The following GABRB3 variants were observed in gnomAD, a reference collection of about 807,000 sequenced individuals.
GABRB3 encodes the protein gamma-aminobutyric acid type A receptor subunit beta3, also known as gamma-aminobutyric acid receptor subunit beta-3.
GABRB3 carries 14 observed loss-of-function variants against 52.1 expected under a neutral mutation model. That is an observed-to-expected ratio of 0.27 (90% confidence interval 0.18 to 0.42). The LOEUF is 0.42. GABRB3 is among the 10% of genes least tolerant of loss of function. GABRB3 has a pLI of 1.00. For missense variants in GABRB3, 307 were observed against 609.1 expected, an observed-to-expected ratio of 0.50 and a Z score of 5.22; for synonymous variants, 260 against 232.3, an observed-to-expected ratio of 1.12 and a Z score of -1.08.
chr15:26,584,837 G>C (rs1890920861), intron 4 of GABRB3, among the ~76,000 whole-genome samples: 1 of 152,196 alleles, frequency 6.6e-6, no homozygotes, highest in African/African-American at 2.4e-5. Flanking sequence ...TGACTGGACT[G>C]TGGTGGGTTC....
chr15:26,610,768 G>A (rs906998072), intron 4 of GABRB3, among the ~76,000 whole-genome samples: 1 of 152,166 alleles, frequency 6.6e-6, no homozygotes, highest in African/African-American at 2.4e-5. Flanking sequence ...AAACCTGTTC[G>A]TAAATTCGTG....
intron 4 of GABRB3, among the ~76,000 whole-genome samples, chr15:26,598,461 C>T (rs1487684085): frequency 2.0e-5 from 3 of 151,924 alleles, no homozygotes; most frequent in Admixed American, 6.5e-5. Flanking sequence ...GTCTACAGAC[C>T]GGAACATCCT....
At chr15:26,709,449 G>A (rs955293226) in intron 3 of GABRB3, among the ~76,000 whole-genome samples, 3 of 151,594 alleles carry the variant, frequency 2.0e-5, no homozygotes, top group Non-Finnish European at 4.4e-5. Flanking sequence ...GATGCTGATG[G>A]TGCCATGCTT....
intron 3 of GABRB3, among the ~76,000 whole-genome samples, chr15:26,683,792 A>AC (rs1445793741): frequency 1.3e-5 from 2 of 152,008 alleles, no homozygotes; most frequent in African/African-American, 2.4e-5. Context: ...ACACTCTCAT[A>AC]CACTCATGAG....
At chr15:26,740,323 G>A (rs1244894162) in intron 3 of GABRB3, among the ~76,000 whole-genome samples, 2 of 152,150 alleles carry the variant, frequency 1.3e-5, no homozygotes, top group Admixed American at 1.3e-4. Flanking sequence ...GCCCAATGGG[G>A]TAGAAGTAGT....
intron 3 of GABRB3, among the ~76,000 whole-genome samples, chr15:26,728,916 T>C (rs1326275112): frequency 6.6e-6 from 1 of 152,154 alleles, no homozygotes; most frequent in African/African-American, 2.4e-5. Flanking sequence ...AACACTAAAA[T>C]GTGCAATGAA....
rs1418174535 is a variant in GABRB3, at chr15:26,543,796, T to G, written c.*3997A>C. The G allele has an allele frequency of 3.9e-5, 6 of 152,610 alleles. No individual in the cohort carries two copies. The East Asian group carries it at 1.2e-3, about 29-fold the overall frequency. The allele number at this position is 152,610 out of a possible 1,614,324, so 9.5% of individuals were successfully genotyped here. ...ACTTACCTTAAACACACTCACTGAC[T>G]TGTGAAGTAGAAACATGAGACAAAC... On this transcript the variant is annotated 3_prime_UTR_variant, in exon 9 of 9. Coordinates refer to ENST00000311550, the MANE Select transcript of GABRB3 (RefSeq NM_000814.6).
intron 4 of GABRB3, chr15:26,615,902 T>A (rs1162575744): frequency 3.9e-6 from 5 of 1,275,274 alleles, no homozygotes; most frequent in Non-Finnish European, 1.0e-6. Flanking sequence ...ACATAATCAG[T>A]AGGAAAGCAA....
chr15:26,554,954 C>T (rs1028463847), intron 8 of GABRB3, among the ~76,000 whole-genome samples: 17 of 152,040 alleles, frequency 1.1e-4, no homozygotes, highest in African/African-American at 3.1e-4. Context: ...CTGAGGCGGG[C>T]GGATCACGAG....
At chr15:26,707,613 A>T (rs1889146567) in intron 3 of GABRB3, among the ~76,000 whole-genome samples, 2 of 152,190 alleles carry the variant, frequency 1.3e-5, no homozygotes, top group South Asian at 4.1e-4. Context: ...TGAGATGTGG[A>T]AGGCATTGCC....
intron 3 of GABRB3, chr15:26,624,174 C>G: frequency 1.0e-6 from 1 of 983,744 alleles, no homozygotes; most frequent in Non-Finnish European, 1.2e-6. Context: ...AATGCACCTT[C>G]ACAGGGCATA....
At chr15:26,603,113 C>G (rs1891648689) in intron 4 of GABRB3, among the ~76,000 whole-genome samples, 1 of 151,858 alleles carries the variant, frequency 6.6e-6, no homozygotes, top group African/African-American at 2.4e-5. Context: ...TTCAAAGGAT[C>G]ATCAGTGGCT....
At chr15:26,585,226 G>A (rs1890937331) in intron 4 of GABRB3, among the ~76,000 whole-genome samples, 1 of 152,184 alleles carries the variant, frequency 6.6e-6, no homozygotes, top group African/African-American at 2.4e-5. Context: ...GTGATGGGGA[G>A]TAAGAATGAA....
At chr15:26,556,734 T>C (rs940395799) in intron 8 of GABRB3, among the ~76,000 whole-genome samples, 9 of 152,144 alleles carry the variant, frequency 5.9e-5, no homozygotes, top group African/African-American at 2.2e-4. Context: ...ATACTAAATA[T>C]AAGGAAAACC....
intron 3 of GABRB3, among the ~76,000 whole-genome samples, chr15:26,703,593 G>C (rs1889005055): frequency 6.6e-6 from 1 of 152,146 alleles, no homozygotes; most frequent in Non-Finnish European, 1.5e-5. Flanking sequence ...AACATTGCAT[G>C]AGTGACATTC....
chr15:26,758,051 T>C (rs71465203), intron 3 of GABRB3, among the ~76,000 whole-genome samples: 1 of 152,108 alleles, frequency 6.6e-6, no homozygotes, highest in Non-Finnish European at 1.5e-5. Context: ...ATTGTTGTTG[T>C]TTTCACAGTT....
At chr15:26,614,609 G>A (rs1466778799) in intron 4 of GABRB3, 1 of 152,162 alleles carries the variant, frequency 6.6e-6, no homozygotes, top group Non-Finnish European at 1.5e-5. Flanking sequence ...GGGAGTTAGG[G>A]ACGGCTGCAT....
chr15:26,548,253 C>A (rs533851924), intron 8 of GABRB3, 119 bp from the exon 9 acceptor site: 1 of 829,088 alleles, frequency 1.2e-6, no homozygotes, highest in Non-Finnish European at 2.1e-6. Flanking sequence ...AACTGTACAT[C>A]TGTCAAATCC....
intron 4 of GABRB3, among the ~76,000 whole-genome samples, chr15:26,589,133 C>T (rs1214559549): frequency 6.6e-6 from 1 of 152,178 alleles, no homozygotes; most frequent in African/African-American, 2.4e-5. Context: ...TTGTATTAAG[C>T]TTGTGAAATA....
Sources: gnomAD v4.1 joint callset for allele counts (sites outside exome capture counted in the v4.1 genomes callset) on GRCh38, gnomAD v4.1.1 for gene constraint, MANE v1.5 for transcripts, NCBI Gene and HGNC (gene_info 2026-07-23, HGNC 2026-07-21) for gene names.